The following PHF24 variants were observed in gnomAD, a reference collection of about 807,000 sequenced individuals.
The protein encoded by PHF24 is PHD finger protein 24.
Under a neutral mutation model 42.6 loss-of-function variants are expected in PHF24, and 25 were observed. The observed-to-expected ratio is 0.59, with a 90% CI of 0.43 to 0.82. The LOEUF (loss-of-function observed/expected upper bound fraction) is 0.82, where lower values mean the gene tolerates loss of function less well. PHF24 is among the 40% of genes least tolerant of loss of function. PHF24 has a pLI of 0.00. For missense variants in PHF24, 470 were observed against 538.1 expected (o/e 0.87, Z 1.25); for synonymous variants, 185 against 204.8 (o/e 0.90, Z 0.83).
At chr9:34,911,693 T>C in the PHF24 span, among the ~76,000 whole-genome samples, 1 of 104,912 alleles carries the variant, frequency 9.5e-6, no homozygotes. Context: ...TGAACTCTTT[T>C]GTTTATCAAA....
At chr9:34,889,340 G>A in the PHF24 span, 2 of 398,570 alleles carry the variant, frequency 5.0e-6, no homozygotes, top group Admixed American at 4.4e-5. Flanking sequence ...CTGGACTGAA[G>A]GGAGTGTTGC....
At chr9:34,952,312 A>C in the PHF24 span, among the ~76,000 whole-genome samples, 132 of 152,358 alleles carry the variant, frequency 8.7e-4, no homozygotes, top group Non-Finnish European at 2.2e-4. Context: ...AAAACTGCAC[A>C]AACGATGTGC....
At chr9:34,728,126 A>C in the PHF24 span, 22 of 1,528,232 alleles carry the variant, frequency 1.4e-5, no homozygotes, top group Non-Finnish European at 1.9e-5. Context: ...GGATAATTTC[A>C]TAGGCATCCT....
At chr9:34,746,355 A>T in the PHF24 span, among the ~76,000 whole-genome samples, 1 of 152,208 alleles carries the variant, frequency 6.6e-6, no homozygotes, top group African/African-American at 2.4e-5. Flanking sequence ...AACTATAGTA[A>T]GAGAAAAGAA....
the PHF24 span, chr9:34,665,659 T>C: frequency 2.1e-5 from 15 of 699,342 alleles, no homozygotes; most frequent in Non-Finnish European, 3.1e-5. Context: ...ATTCCCGACA[T>C]GTCCTGGGCT....
At chr9:34,911,362 C>A in the PHF24 span, among the ~76,000 whole-genome samples, 7 of 152,062 alleles carry the variant, frequency 4.6e-5, no homozygotes, top group Non-Finnish European at 1.0e-4. Context: ...TCAAGCAATT[C>A]TCTGCCTCAG....
the PHF24 span, chr9:34,832,881 T>C: frequency 1.9e-6 from 3 of 1,551,604 alleles, no homozygotes; most frequent in African/African-American, 2.7e-5. Context: ...TTGGTTTGAC[T>C]GTCTTGCAGG....
At chr9:34,873,462 A>G in the PHF24 span, among the ~76,000 whole-genome samples, 1 of 151,094 alleles carries the variant, frequency 6.6e-6, no homozygotes, top group African/African-American at 2.4e-5. Context: ...TAAATAGGGA[A>G]TCCTTTCCCC....
At chr9:34,911,734 C>T in the PHF24 span, among the ~76,000 whole-genome samples, 1 of 152,032 alleles carries the variant, frequency 6.6e-6, no homozygotes, top group Non-Finnish European at 1.5e-5. Flanking sequence ...AACTGTCCAG[C>T]CCATGTCTAG....
the PHF24 span, chr9:34,838,425 G>A: frequency 4.8e-5 from 62 of 1,292,438 alleles, no homozygotes; most frequent in Admixed American, 1.4e-4. Flanking sequence ...TTACAATAAC[G>A]ATGAAGATGG....
At chr9:34,818,549 A>T in the PHF24 span, among the ~76,000 whole-genome samples, 1 of 152,176 alleles carries the variant, frequency 6.6e-6, no homozygotes, top group African/African-American at 2.4e-5. Context: ...GAAAATTTGT[A>T]TTTTTTTATA....
the PHF24 span, among the ~76,000 whole-genome samples, chr9:34,900,629 T>G: frequency 3.9e-5 from 6 of 152,118 alleles, no homozygotes; most frequent in East Asian, 1.2e-3. Flanking sequence ...AATTTTAATG[T>G]CTATAAATGG....
the PHF24 span, chr9:34,895,448 T>C: frequency 2.5e-6 from 1 of 397,286 alleles, no homozygotes; most frequent in South Asian, 1.4e-4. Context: ...ATCACCCAAA[T>C]TGGGAGCTCT....
At chr9:34,775,232 T>C in the PHF24 span, among the ~76,000 whole-genome samples, 1 of 152,218 alleles carries the variant, frequency 6.6e-6, no homozygotes, top group Non-Finnish European at 1.5e-5. Context: ...GAAATTCTAA[T>C]ACATGCTACA....
At chr9:34,689,779 G>A in the PHF24 span, 1 of 1,613,062 alleles carries the variant, frequency 6.2e-7, no homozygotes, top group Non-Finnish European at 8.5e-7. The surrounding 1 kb of genome is among the most constrained non-coding windows in gnomAD (Gnocchi z 4.1). Context: ...AATTCACAAT[G>A]CTTGACTCGG....
the PHF24 span, chr9:34,727,984 G>C: frequency 6.5e-7 from 1 of 1,542,142 alleles, no homozygotes. Flanking sequence ...TCATAGGCCA[G>C]GCTGGTTGTT....
At chr9:34,841,314 T>A in the PHF24 span, among the ~76,000 whole-genome samples, 3 of 152,054 alleles carry the variant, frequency 2.0e-5, no homozygotes, top group African/African-American at 7.2e-5. Flanking sequence ...TTCACACTTC[T>A]AAAAAATGTT....
chr9:34,710,458 T>A, the PHF24 span, among the ~76,000 whole-genome samples: 658 of 147,872 alleles, frequency 4.4e-3, 9 homozygotes, highest in South Asian at 0.026. Context: ...TATTAAATTG[T>A]AAGAGTTCTT....
At chr9:34,852,557 T>A in the PHF24 span, among the ~76,000 whole-genome samples, 1 of 152,248 alleles carries the variant, frequency 6.6e-6, no homozygotes, top group African/African-American at 2.4e-5. Context: ...GTATAGTTCA[T>A]TGTCAGTTTC....
Sources: gnomAD v4.1 joint callset for allele counts (sites outside exome capture counted in the v4.1 genomes callset) on GRCh38, gnomAD v4.1.1 for gene constraint, Gnocchi (gnomAD v3.1) non-coding constraint, MANE v1.5 for transcripts, NCBI Gene and HGNC (gene_info 2026-07-23, HGNC 2026-07-21) for gene names.